SH2D4B: variants seen among roughly 807,000 people sequenced by gnomAD.
SH2D4B encodes the protein SH2 domain-containing protein 4B.
SH2D4B carries 45 observed loss-of-function variants against 61.5 expected under a neutral mutation model. That is an observed-to-expected ratio of 0.73 (90% CI 0.58 to 0.94). The LOEUF is 0.94. Ranked by LOEUF, SH2D4B falls within the 40% of genes least tolerant of loss-of-function variation. The pLI, the probability that SH2D4B is intolerant of heterozygous loss-of-function variation, is 0.00. For missense variants in SH2D4B, 572 were observed against 574.2 expected (o/e 1.00, Z 0.04); for synonymous variants, 224 against 220.4 (o/e 1.02, Z -0.14).
intron 6 of SH2D4B, among the ~76,000 whole-genome samples, chr10:80,613,587 G>A (rs1842626988): frequency 6.6e-6 from 1 of 152,224 alleles, no homozygotes; most frequent in Admixed American, 6.5e-5. Context: ...GCTGGGAGTG[G>A]ATCTCAAGCG....
At chr10:80,590,931 T>C (rs2132131732) in intron 4 of SH2D4B, among the ~76,000 whole-genome samples, 1 of 151,626 alleles carries the variant, frequency 6.6e-6, no homozygotes, top group African/African-American at 2.4e-5. Flanking sequence ...TTGCCTATGA[T>C]GGACATGCTA....
intron 1 of SH2D4B, among the ~76,000 whole-genome samples, chr10:80,549,725 G>C (rs1001625441): frequency 4.6e-5 from 7 of 152,168 alleles, no homozygotes; most frequent in African/African-American, 1.4e-4. Context: ...TCTTAGTGAG[G>C]CAGCTCCACT....
At chr10:80,634,928 T>C (rs1385832264) in intron 7 of SH2D4B, among the ~76,000 whole-genome samples, 1 of 152,206 alleles carries the variant, frequency 6.6e-6, no homozygotes, top group Non-Finnish European at 1.5e-5. Flanking sequence ...TAGGCAACCC[T>C]GTGATTAGAG....
At chr10:80,611,090 G>A (rs1842592332) in intron 6 of SH2D4B, among the ~76,000 whole-genome samples, 1 of 142,048 alleles carries the variant, frequency 7.0e-6, no homozygotes, top group Non-Finnish European at 1.5e-5. Context: ...CAGGAGAATT[G>A]CTTGAATCTG....
intron 6 of SH2D4B, among the ~76,000 whole-genome samples, chr10:80,616,696 G>A (rs1842664995): frequency 6.6e-6 from 1 of 152,186 alleles, no homozygotes; most frequent in African/African-American, 2.4e-5. Context: ...ACATTGGCTG[G>A]TATCTATGGG....
In SH2D4B at chr10:80,570,137, C is replaced by T. The variant is rs765184333; in HGVS notation, c.185-17C>T. 2 of 1,610,538 alleles carry T rather than the reference C, an allele frequency of 1.2e-6. No homozygotes were observed. Among genetic ancestry groups the T allele is most frequent in the Non-Finnish European group, 8.5e-7 (1 of 1,176,972 alleles). ...TGAAAATCAAACTTGTTTCTTCTTC[C>T]TTCTTCTATTGTGAAGCAGCGAGTG... is the stretch of plus-strand genomic sequence containing the variant. On this transcript the variant is annotated splice_polypyrimidine_tract_variant and intron_variant, in intron 1 of 7. Transcript: ENST00000646907.
chr10:80,555,646 C>G (rs980312208), intron 1 of SH2D4B, among the ~76,000 whole-genome samples: 1 of 152,218 alleles, frequency 6.6e-6, no homozygotes, highest in East Asian at 1.9e-4. Flanking sequence ...CGTTGAATGT[C>G]GTGGGGAAAT....
Position 80,644,603 on chromosome 10 carries a change from C to T in SH2D4B, c.*518C>T, listed in dbSNP as rs906710340. The T allele has an allele frequency of 2.0e-5, 3 of 152,430 alleles. No individual in the cohort carries two copies. The highest frequency in any genetic ancestry group is 4.4e-5 in the Non-Finnish European group (3 of 68,138). The allele number at this position is 152,430 out of a possible 1,614,324, so 9.4% of individuals were successfully genotyped here. A position where few individuals can be genotyped will look rare whatever the true frequency, so the allele number is the denominator to read the frequency against. On this transcript the variant is annotated 3_prime_UTR_variant, in exon 8 of 8. Transcript: ENST00000646907. ...ATTTCTATGGAGGACATAAATGCTG[C>T]ATCTTTCATAATCTCCATTATCACC...
At chr10:80,611,409 C>T (rs1208338835) in intron 6 of SH2D4B, among the ~76,000 whole-genome samples, 1 of 152,132 alleles carries the variant, frequency 6.6e-6, no homozygotes, top group Non-Finnish European at 1.5e-5. Context: ...CTTTCTTCTC[C>T]CAGGTCACCA....
chr10:80,619,919 C>G (rs764100665), intron 6 of SH2D4B, among the ~76,000 whole-genome samples: 3 of 152,260 alleles, frequency 2.0e-5, no homozygotes, highest in Non-Finnish European at 4.4e-5. Context: ...TTTGCAGCCA[C>G]TCCTTACCCT....
chr10:80,581,516 A>G lies in SH2D4B; in HGVS notation c.496-7114A>G, dbSNP rs186219588. ...GATCGAGTGGGTTAGACCCTACTCC[A>G]ATATGACTGCTGTCCTTATAAAAAG... On this transcript the variant is annotated intron_variant, in intron 3 of 7. Coordinates refer to ENST00000646907, the MANE Select transcript of SH2D4B (RefSeq NM_001388272.1). Among the ~76,000 whole-genome samples, 265 of 152,322 alleles carry G rather than the reference A, an allele frequency of 1.7e-3. 2 individuals carry two copies. The highest frequency in any genetic ancestry group is 5.9e-3 in the African/African-American group (245 of 41,572).
intron 1 of SH2D4B, chr10:80,540,862 G>A (rs957041425): frequency 8.4e-6 from 13 of 1,551,322 alleles, no homozygotes; most frequent in Middle Eastern, 3.4e-4. Context: ...GTGCGGGGAC[G>A]GGCTCCACGG....
intron 6 of SH2D4B, among the ~76,000 whole-genome samples, chr10:80,624,694 AGCCAAG>A (rs996775255): frequency 1.1e-4 from 17 of 152,338 alleles, no homozygotes; most frequent in African/African-American, 4.1e-4. Context: ...CCTGGGCATC[AGCCAAG>A]GCTGAGAACC....
intron 6 of SH2D4B, among the ~76,000 whole-genome samples, chr10:80,620,457 C>T (rs1023948466): frequency 6.6e-6 from 1 of 152,202 alleles, no homozygotes; most frequent in Non-Finnish European, 1.5e-5. Context: ...TCAATTAAAC[C>T]TCTTTTCTTC....
intron 1 of SH2D4B, among the ~76,000 whole-genome samples, chr10:80,569,262 G>A (rs568018703): frequency 6.6e-6 from 1 of 152,262 alleles, no homozygotes; most frequent in Admixed American, 6.5e-5. Flanking sequence ...GGCAGAGAGT[G>A]CAGAGCGGGC....
intron 1 of SH2D4B, among the ~76,000 whole-genome samples, chr10:80,553,483 G>T (rs1303188642): frequency 1.3e-5 from 2 of 152,218 alleles, no homozygotes; most frequent in Non-Finnish European, 2.9e-5. Flanking sequence ...TGCAGACAGG[G>T]AAGTAGGGGT....
intron 4 of SH2D4B, among the ~76,000 whole-genome samples, chr10:80,591,554 T>C (rs1842327398): frequency 7.0e-6 from 1 of 142,404 alleles, no homozygotes; most frequent in Admixed American, 7.5e-5. Context: ...TCACCCAGGC[T>C]GGAGTGCAGT....
intron 1 of SH2D4B, among the ~76,000 whole-genome samples, chr10:80,558,475 C>CATTT (rs138737201): frequency 1.0e-3 from 159 of 151,732 alleles, no homozygotes; most frequent in Admixed American, 2.4e-3. Context: ...AATGATCATG[C>CATTT]ATTTATTTAT....
intron 3 of SH2D4B, among the ~76,000 whole-genome samples, chr10:80,575,322 G>C (rs80132826): frequency 0.018 from 2,678 of 152,132 alleles, 45 homozygotes; most frequent in Non-Finnish European, 0.027. Flanking sequence ...CATGGATGAT[G>C]ATATTCTAAC....
Sources: gnomAD v4.1 joint callset for allele counts (sites outside exome capture counted in the v4.1 genomes callset) on GRCh38, gnomAD v4.1.1 for gene constraint, MANE v1.5 for transcripts, NCBI Gene and HGNC (gene_info 2026-07-23, HGNC 2026-07-21) for gene names.